FBXO34: variants seen among roughly 807,000 people sequenced by gnomAD.
FBXO34 encodes the protein F-box only protein 34.
Under a neutral mutation model 24.5 loss-of-function variants are expected in FBXO34, and 12 were observed. The observed-to-expected ratio is 0.49, with a 90% CI of 0.31 to 0.79. The LOEUF (loss-of-function observed/expected upper bound fraction) is 0.79. Ranked by LOEUF, FBXO34 falls within the 30% of genes least tolerant of loss-of-function variation. FBXO34 has a pLI of 0.04. For synonymous variants in FBXO34, 320 were observed against 311.9 expected, an observed-to-expected ratio of 1.03 and a Z score of -0.27; for missense variants, 823 against 857.7, an observed-to-expected ratio of 0.96 and a Z score of 0.51.
intron 1 of FBXO34, among the ~76,000 whole-genome samples, chr14:55,344,620 C>T (rs2039039): frequency 0.14 from 20,953 of 150,924 alleles, 1,764 homozygotes; most frequent in Non-Finnish European, 0.17. Context: ...CAGGTATACA[C>T]GTGCCATGGT....
chr14:55,333,387 G>C (rs545943393), intron 1 of FBXO34, among the ~76,000 whole-genome samples: 1 of 152,140 alleles, frequency 6.6e-6, no homozygotes, highest in South Asian at 2.1e-4. Flanking sequence ...TCTGATCTTG[G>C]GTATCAGATT....
chr14:55,288,106 C>G (rs1425912568), intron 1 of FBXO34, among the ~76,000 whole-genome samples: 1 of 152,034 alleles, frequency 6.6e-6, no homozygotes, highest in Admixed American at 6.6e-5. Flanking sequence ...AATGATGTCT[C>G]CTTTGTGGGT....
the FBXO34 span, among the ~76,000 whole-genome samples, chr14:55,393,108 G>A: frequency 7.2e-5 from 11 of 152,238 alleles, no homozygotes; most frequent in South Asian, 2.1e-4. Flanking sequence ...ATGACTGGGC[G>A]CGGTGGCTCA....
intron 1 of FBXO34, among the ~76,000 whole-genome samples, chr14:55,315,400 G>A: frequency 6.6e-6 from 1 of 152,080 alleles, no homozygotes. Context: ...CTGTTATCCT[G>A]GGACTTCCCT....
At chr14:55,409,501 C>T in the FBXO34 span, among the ~76,000 whole-genome samples, 15 of 152,014 alleles carry the variant, frequency 9.9e-5, no homozygotes, top group African/African-American at 3.4e-4. Context: ...TGGTTAAATA[C>T]GCATGAGGTT....
At chr14:55,294,176 C>T (rs1425277655) in intron 1 of FBXO34, among the ~76,000 whole-genome samples, 1 of 152,114 alleles carries the variant, frequency 6.6e-6, no homozygotes, top group African/African-American at 2.4e-5. Flanking sequence ...CTCCTTGAAA[C>T]ATGCTCTGTA....
chr14:55,277,383 A>G (rs1202357230), intron 1 of FBXO34, among the ~76,000 whole-genome samples: 1 of 152,166 alleles, frequency 6.6e-6, no homozygotes, highest in Admixed American at 6.5e-5. Flanking sequence ...ACAGTGGTGC[A>G]ATTCATAGCT....
At chr14:55,421,333 G>A in the FBXO34 span, among the ~76,000 whole-genome samples, 1 of 152,158 alleles carries the variant, frequency 6.6e-6, no homozygotes, top group Non-Finnish European at 1.5e-5. Flanking sequence ...TCTAGGACAT[G>A]TAGAGGTAAA....
chr14:55,370,807 AT>A (rs1884799595), downstream of FBXO34, among the ~76,000 whole-genome samples: 1 of 151,850 alleles, frequency 6.6e-6, no homozygotes, highest in African/African-American at 2.4e-5. Context: ...TGCCCGGCTA[AT>A]TTTTGTATTT....
chr14:55,331,560 T>TATTC (rs150276600), intron 1 of FBXO34, among the ~76,000 whole-genome samples: 1 of 142,678 alleles, frequency 7.0e-6, no homozygotes, highest in Non-Finnish European at 1.5e-5. Context: ...TATATATATA[T>TATTC]ACACACACAC....
chr14:55,428,119 C>CTT, the FBXO34 span, among the ~76,000 whole-genome samples: 106 of 43,358 alleles, frequency 2.4e-3, 32 homozygotes, highest in East Asian at 0.011. Context: ...CATGCCTTAT[C>CTT]TTTTTTTTTT....
At chr14:55,366,553 T>C (rs971227714), downstream of FBXO34, 1 of 152,576 alleles carries the variant, frequency 6.6e-6, no homozygotes, top group Admixed American at 6.5e-5. Flanking sequence ...CTGAATGCTC[T>C]TCCCCAAATT....
the FBXO34 span, among the ~76,000 whole-genome samples, chr14:55,431,021 A>G: frequency 0.24 from 35,826 of 152,174 alleles, 7,260 homozygotes; most frequent in African/African-American, 0.56. Flanking sequence ...TTGTACAAAC[A>G]TTAGAAAGTA....
chr14:55,361,909 G>C (rs76605795), exon 4 of FBXO34: 8,862 of 152,240 alleles, frequency 0.058, 327 homozygotes, highest in South Asian at 0.089. Context: ...AGCTTTCTCC[G>C]TATCAGCAAT....
At chr14:55,373,899 A>G (rs1017610556), downstream of FBXO34, among the ~76,000 whole-genome samples, 70 of 152,198 alleles carry the variant, frequency 4.6e-4, no homozygotes, top group African/African-American at 1.6e-3. Flanking sequence ...TCCATGAACA[A>G]TCTTCTCTAC....
chr14:55,436,438 A>T, the FBXO34 span: 99 of 930,002 alleles, frequency 1.1e-4, no homozygotes, highest in Non-Finnish European at 1.3e-4. Context: ...GAACTGATAA[A>T]ACAAAGAATT....
intron 1 of FBXO34, among the ~76,000 whole-genome samples, chr14:55,307,483 C>G (rs899387207): frequency 6.6e-6 from 1 of 152,198 alleles, no homozygotes; most frequent in Admixed American, 6.5e-5. Context: ...TTGTGTGACT[C>G]TTGTCCTCCA....
the FBXO34 span, chr14:55,433,829 C>G: frequency 1.1e-6 from 1 of 927,484 alleles, no homozygotes; most frequent in South Asian, 1.9e-5. Flanking sequence ...GATGGGAAAA[C>G]TAAATGTCTG....
At chr14:55,299,148 C>T (rs1426604687) in intron 1 of FBXO34, 3 of 1,202,062 alleles carry the variant, frequency 2.5e-6, no homozygotes, top group Middle Eastern at 2.0e-4. Context: ...CAAGAATTTG[C>T]TGGAAGTCAG....
Sources: gnomAD v4.1 joint callset for allele counts (sites outside exome capture counted in the v4.1 genomes callset) on GRCh38, gnomAD v4.1.1 for gene constraint, MANE v1.5 for transcripts, NCBI Gene and HGNC (gene_info 2026-07-23, HGNC 2026-07-21) for gene names.